The following PCDH15 variants were observed in gnomAD, a reference collection of about 807,000 sequenced individuals.
The protein encoded by PCDH15 is protocadherin-15.
In PCDH15, 129 loss-of-function variants were observed where a neutral mutation model predicts 178.5. The observed-to-expected ratio is 0.72, with a 90% CI of 0.63 to 0.84. The LOEUF is 0.84. Among genes scored for constraint, PCDH15 ranks in the 40% least tolerant of loss-of-function variants. The pLI, the probability that PCDH15 is intolerant of heterozygous loss-of-function variation, is 0.00. For missense variants in PCDH15, 2,230 were observed against 2,099.9 expected, an observed-to-expected ratio of 1.06 and a Z score of -1.21; for synonymous variants, 800 against 732.0, an observed-to-expected ratio of 1.09 and a Z score of -1.50.
intron 37 of PCDH15, chr10:53,809,620 A>G (rs1274963965): frequency 1.4e-6 from 2 of 1,407,648 alleles, no homozygotes; most frequent in Non-Finnish European, 1.9e-6. Flanking sequence ...CACGAAAGCT[A>G]CGCAGGAATG....
intron 2 of PCDH15, among the ~76,000 whole-genome samples, chr10:55,064,513 G>GA (rs896694327): frequency 6.6e-6 from 1 of 151,962 alleles, no homozygotes; most frequent in African/African-American, 2.4e-5. Context: ...TATATGCTGA[G>GA]AAAAAAATTG....
intron 2 of PCDH15, among the ~76,000 whole-genome samples, chr10:54,921,338 T>G (rs1328259990): frequency 6.6e-6 from 1 of 152,190 alleles, no homozygotes; most frequent in Non-Finnish European, 1.5e-5. Flanking sequence ...TTTTTACTTT[T>G]TAACTTTTAA....
intron 2 of PCDH15, among the ~76,000 whole-genome samples, chr10:55,409,077 A>G (rs913386908): frequency 6.6e-6 from 1 of 151,314 alleles, no homozygotes; most frequent in Non-Finnish European, 1.5e-5. Context: ...GCTTCTCAGT[A>G]ATTGAACACA....
chr10:55,040,883 A>G (rs187979952), intron 2 of PCDH15, among the ~76,000 whole-genome samples: 17 of 152,020 alleles, frequency 1.1e-4, no homozygotes, highest in African/African-American at 4.1e-4. Flanking sequence ...GAGAGAGATG[A>G]GATAAACATT....
chr10:54,260,270 T>C (rs2057214037), intron 8 of PCDH15, among the ~76,000 whole-genome samples: 1 of 152,114 alleles, frequency 6.6e-6, no homozygotes, highest in Admixed American at 6.5e-5. Context: ...ATTTAAAAAG[T>C]CCATTAACTT....
chr10:55,417,639 C>A (rs1293220329), intron 2 of PCDH15, among the ~76,000 whole-genome samples: 1 of 150,836 alleles, frequency 6.6e-6, no homozygotes, highest in African/African-American at 2.4e-5. Flanking sequence ...GATTCTTTAG[C>A]CAGAGAAATA....
At chr10:55,597,803 A>G (rs1393287692) in intron 2 of PCDH15, among the ~76,000 whole-genome samples, 1 of 152,074 alleles carries the variant, frequency 6.6e-6, no homozygotes, top group Non-Finnish European at 1.5e-5. Context: ...ATACCACTCA[A>G]ATGTTTTTCA....
chr10:54,217,919 T>TG (rs2052286305), intron 9 of PCDH15, among the ~76,000 whole-genome samples: 1 of 151,966 alleles, frequency 6.6e-6, no homozygotes, highest in African/African-American at 2.4e-5. Flanking sequence ...AGGCTTTTTT[T>TG]TGTTTTTTTG....
intron 21 of PCDH15, among the ~76,000 whole-genome samples, chr10:53,964,607 A>G (rs1421092382): frequency 6.6e-6 from 1 of 151,902 alleles, no homozygotes; most frequent in African/African-American, 2.4e-5. Context: ...AAGTATTCAT[A>G]TATTTGAAGG....
At chr10:54,442,459 T>TATATATATAC (rs1469736625) in intron 3 of PCDH15, among the ~76,000 whole-genome samples, 19 of 93,458 alleles carry the variant, frequency 2.0e-4, no homozygotes, top group African/African-American at 9.2e-4. Context: ...TATATATATA[T>TATATATATAC]ACAGTCTTTT....
intron 2 of PCDH15, among the ~76,000 whole-genome samples, chr10:55,398,342 C>T (rs556613618): frequency 6.6e-6 from 1 of 152,146 alleles, no homozygotes; most frequent in East Asian, 1.9e-4. Flanking sequence ...CTAGAGAAAG[C>T]CCCTACAGAT....
At chr10:54,512,040 G>A (rs2081726241) in intron 3 of PCDH15, among the ~76,000 whole-genome samples, 1 of 151,952 alleles carries the variant, frequency 6.6e-6, no homozygotes, top group Non-Finnish European at 1.5e-5. Context: ...CAAATTCCAA[G>A]TTGACATTTG....
intron 25 of PCDH15, among the ~76,000 whole-genome samples, chr10:53,925,215 C>G (rs1205839021): frequency 1.3e-5 from 2 of 152,142 alleles, no homozygotes; most frequent in Non-Finnish European, 2.9e-5. Flanking sequence ...GTAACACTCA[C>G]CGCGAAGGTC....
chr10:54,102,365 A>G (rs2094828789), intron 15 of PCDH15, among the ~76,000 whole-genome samples: 2 of 152,244 alleles, frequency 1.3e-5, no homozygotes, highest in Non-Finnish European at 2.9e-5. Flanking sequence ...GCATTTGCCA[A>G]GTCAATGGCT....
At position 54,099,816 on chromosome 10, in the gene PCDH15, T is replaced by C. The variant is rs572057717; in HGVS notation, c.1918-9753A>G. ...TCTTTGTGAAATAAACATTGAGAAA[T>C]AGTGTTCACTATATGCTGGTTAACT... On this transcript the variant is annotated intron_variant, in intron 15 of 37. Transcript: ENST00000644397. 6.6e-5 allele frequency among the ~76,000 whole-genome samples: 10 copies of C among 152,122 alleles called. No homozygotes were observed. The Middle Eastern group carries it at 0.01, about 155-fold the overall frequency.
intron 1 of PCDH15, among the ~76,000 whole-genome samples, chr10:55,315,080 A>G (rs1470959114): frequency 6.6e-6 from 1 of 152,224 alleles, no homozygotes; most frequent in Non-Finnish European, 1.5e-5. Flanking sequence ...AAATCTATAT[A>G]GTTTTAGACT....
intron 8 of PCDH15, among the ~76,000 whole-genome samples, chr10:54,251,072 C>A (rs1374293744): frequency 6.6e-6 from 1 of 152,104 alleles, no homozygotes; most frequent in Non-Finnish European, 1.5e-5. Flanking sequence ...TAATATGAAT[C>A]CTTGTATATA....
At chr10:55,006,258 CCTT>C (rs1417543444) in intron 2 of PCDH15, among the ~76,000 whole-genome samples, 4 of 152,102 alleles carry the variant, frequency 2.6e-5, no homozygotes, top group South Asian at 2.1e-4. Context: ...CCTCATCACT[CCTT>C]CTTCTCCCAC....
At chr10:55,483,625 C>T (rs1378488893) in intron 2 of PCDH15, among the ~76,000 whole-genome samples, 1 of 151,618 alleles carries the variant, frequency 6.6e-6, no homozygotes, top group Non-Finnish European at 1.5e-5. Context: ...AATCCCATTA[C>T]CACATATATA....
Sources: gnomAD v4.1 joint callset for allele counts (sites outside exome capture counted in the v4.1 genomes callset) on GRCh38, gnomAD v4.1.1 for gene constraint, MANE v1.5 for transcripts, NCBI Gene and HGNC (gene_info 2026-07-23, HGNC 2026-07-21) for gene names.